The following ASB7 variants were observed in gnomAD, a reference collection of about 807,000 sequenced individuals.
ASB7 encodes the protein ankyrin repeat and SOCS box containing 7.
In ASB7, 4 loss-of-function variants were observed where a neutral mutation model predicts 32.5. That is an observed-to-expected ratio of 0.12 (90% CI 0.06 to 0.28). The LOEUF is 0.28. ASB7 is among the 10% of genes least tolerant of loss of function. The probability of loss-of-function intolerance (pLI) is 1.00; values close to 1 mark genes in which losing one functional copy is unlikely to be tolerated. For synonymous variants in ASB7, 172 were observed against 155.6 expected (o/e 1.11, Z -0.78); for missense variants, 181 against 407.1 (o/e 0.44, Z 4.78).
chr15:100,650,915 A>G lies in ASB7; in HGVS notation c.*2453A>G, dbSNP rs2040027640. ...GTGACACCTGCAGGTCTGCATTTGA[A>G]TTGGATTCACAGAGAAGCATTCCAT... On this transcript the variant is annotated 3_prime_UTR_variant, in exon 6 of 6. Transcript: ENST00000332783. 1 of 152,240 alleles carries G rather than the reference A, an allele frequency of 6.6e-6. No individual in the cohort carries two copies. The highest frequency in any genetic ancestry group is 1.5e-5 in the Non-Finnish European group (1 of 68,048). The allele number at this position is 152,240 out of a possible 1,614,324, so 9.4% of individuals were successfully genotyped here. A position where few individuals can be genotyped will look rare whatever the true frequency, so the allele number is the denominator to read the frequency against.
At chr15:100,632,881 A>G (rs2039894513) in intron 5 of ASB7, among the ~76,000 whole-genome samples, 1 of 150,036 alleles carries the variant, frequency 6.7e-6, no homozygotes, top group South Asian at 2.1e-4. Flanking sequence ...AACAGAGCGC[A>G]CCCGTGGCTT....
At chr15:100,630,579 G>A (rs896510983) in intron 5 of ASB7, among the ~76,000 whole-genome samples, 4 of 152,236 alleles carry the variant, frequency 2.6e-5, no homozygotes, top group Non-Finnish European at 5.9e-5. Context: ...AGTTAAGGAT[G>A]CTAGAAATTG....
At chr15:100,628,835 A>G (rs1374572587) in intron 4 of ASB7, among the ~76,000 whole-genome samples, 1 of 152,262 alleles carries the variant, frequency 6.6e-6, no homozygotes, top group Non-Finnish European at 1.5e-5. Flanking sequence ...GTGTAAAACT[A>G]AGAATTCAGA....
intron 2 of ASB7, among the ~76,000 whole-genome samples, chr15:100,608,220 T>C (rs2039664051): frequency 1.3e-5 from 2 of 152,196 alleles, no homozygotes; most frequent in South Asian, 4.1e-4. Context: ...AAATAAACTT[T>C]ATTGTAGGAA....
Position 100,609,745 on chromosome 15 carries a change from T to G in ASB7, c.-135T>G, listed in dbSNP as rs530970836. On this transcript the variant is annotated 5_prime_UTR_variant, in exon 3 of 6. Transcript: ENST00000332783. ...TTTTGCTCTGTAGCCTGGACGTACT[T>G]TGAAGCCCCTCCCCACGATGCTGTA... 2.0e-5 allele frequency: 3 copies of G among 152,236 alleles called. No individual in the cohort carries two copies. The highest frequency in any genetic ancestry group is 4.4e-5 in the Non-Finnish European group (3 of 68,036). The allele number at this position is 152,236 out of a possible 1,614,324, so 9.4% of individuals were successfully genotyped here.
At chr15:100,644,179 T>C (rs1567119001) in intron 5 of ASB7, among the ~76,000 whole-genome samples, 1 of 152,154 alleles carries the variant, frequency 6.6e-6, no homozygotes, top group Non-Finnish European at 1.5e-5. Flanking sequence ...ACTTGGGAGA[T>C]GGAGGTTGCA....
intron 4 of ASB7, among the ~76,000 whole-genome samples, chr15:100,626,287 TGAG>T (rs1368010151): frequency 3.3e-5 from 5 of 152,174 alleles, no homozygotes; most frequent in East Asian, 3.8e-4. Flanking sequence ...AACTCATTAA[TGAG>T]GAGACAACCA....
intron 4 of ASB7, among the ~76,000 whole-genome samples, chr15:100,622,786 T>G (rs1441673742): frequency 6.6e-6 from 1 of 152,020 alleles, no homozygotes; most frequent in Non-Finnish European, 1.5e-5. Flanking sequence ...CAAAACAACA[T>G]AAGATGGATT....
chr15:100,625,096 G>A (rs1174386111), intron 4 of ASB7, among the ~76,000 whole-genome samples: 1 of 152,178 alleles, frequency 6.6e-6, no homozygotes, highest in African/African-American at 2.4e-5. Flanking sequence ...GAAGCAGAAG[G>A]TGATTTCCAA....
chr15:100,606,398 A>G (rs1434946346), intron 2 of ASB7, among the ~76,000 whole-genome samples: 3 of 152,258 alleles, frequency 2.0e-5, no homozygotes, highest in Admixed American at 6.5e-5. Flanking sequence ...TTTAATGATA[A>G]TAATATGCAA....
chr15:100,609,075 C>A (rs1362217877), intron 2 of ASB7, among the ~76,000 whole-genome samples: 1 of 152,136 alleles, frequency 6.6e-6, no homozygotes, highest in African/African-American at 2.4e-5. Context: ...AGAAAGATCC[C>A]TTTTCTTTTA....
chr15:100,640,148 C>T (rs955764926), intron 5 of ASB7, among the ~76,000 whole-genome samples: 2 of 151,830 alleles, frequency 1.3e-5, no homozygotes, highest in Non-Finnish European at 2.9e-5. Context: ...TTTTTCTTTT[C>T]TTTTTTGTTT....
chr15:100,621,788 T>C (rs764202415), intron 4 of ASB7, among the ~76,000 whole-genome samples: 11 of 150,940 alleles, frequency 7.3e-5, no homozygotes, highest in Non-Finnish European at 1.6e-4. Context: ...ATAGAGAAGA[T>C]AGATGGAACT....
chr15:100,604,267 G>A (rs1173876997), intron 2 of ASB7, among the ~76,000 whole-genome samples: 1 of 152,178 alleles, frequency 6.6e-6, no homozygotes, highest in Non-Finnish European at 1.5e-5. Flanking sequence ...TTCTGAAAAT[G>A]CTCTGAAAGT....
intron 5 of ASB7, among the ~76,000 whole-genome samples, chr15:100,633,039 C>T (rs1275101551): frequency 2.6e-5 from 4 of 151,914 alleles, no homozygotes; most frequent in Non-Finnish European, 4.4e-5. Context: ...AGGAGCGCAG[C>T]AGGGCCCATC....
At chr15:100,628,456 T>A (rs974687644) in intron 4 of ASB7, among the ~76,000 whole-genome samples, 5 of 152,170 alleles carry the variant, frequency 3.3e-5, no homozygotes, top group African/African-American at 1.2e-4. Flanking sequence ...AGCCAAAAAT[T>A]AAGGTGACTT....
At chr15:100,644,727 G>A (rs1275676568) in intron 5 of ASB7, among the ~76,000 whole-genome samples, 1 of 152,212 alleles carries the variant, frequency 6.6e-6, no homozygotes, top group Non-Finnish European at 1.5e-5. Context: ...AACTCTGGGA[G>A]TATCTGATGG....
At chr15:100,608,033 C>T (rs2039662289) in intron 2 of ASB7, among the ~76,000 whole-genome samples, 1 of 152,162 alleles carries the variant, frequency 6.6e-6, no homozygotes, top group Non-Finnish European at 1.5e-5. Flanking sequence ...AGGCTTGAAG[C>T]TATGTTGGGT....
chr15:100,618,102 G>T (rs942812562), intron 4 of ASB7, among the ~76,000 whole-genome samples: 1 of 152,042 alleles, frequency 6.6e-6, no homozygotes, highest in African/African-American at 2.4e-5. Flanking sequence ...AAACAGTATA[G>T]TTTCTTTTCT....
Sources: gnomAD v4.1 joint callset for allele counts (sites outside exome capture counted in the v4.1 genomes callset) on GRCh38, gnomAD v4.1.1 for gene constraint, MANE v1.5 for transcripts, NCBI Gene and HGNC (gene_info 2026-07-23, HGNC 2026-07-21) for gene names.